TBC1D9B: variants seen among roughly 807,000 people sequenced by gnomAD.
TBC1D9B encodes the protein TBC1 domain family, member 9B (with GRAM domain).
In TBC1D9B, 87 loss-of-function variants were observed where a neutral mutation model predicts 121.1. That is an observed-to-expected ratio of 0.72 (90% CI 0.60 to 0.86). The LOEUF (loss-of-function observed/expected upper bound fraction) is 0.86, where lower values mean the gene tolerates loss of function less well. Among genes scored for constraint, TBC1D9B ranks in the 40% least tolerant of loss-of-function variants. The pLI, the probability that TBC1D9B is intolerant of heterozygous loss-of-function variation, is 0.00. For synonymous variants in TBC1D9B, 668 were observed against 670.1 expected (o/e 1.00, Z 0.05); for missense variants, 1,540 against 1,628.6 (o/e 0.95, Z 0.94).
At chr5:179,877,319 A>G (rs909486662) in intron 10 of TBC1D9B, among the ~76,000 whole-genome samples, 1 of 151,916 alleles carries the variant, frequency 6.6e-6, no homozygotes, top group South Asian at 2.1e-4. Context: ...TGGACAACAT[A>G]GCAAGACCCT....
intron 7 of TBC1D9B, among the ~76,000 whole-genome samples, chr5:179,882,634 A>C (rs1190642320): frequency 6.6e-6 from 1 of 152,198 alleles, no homozygotes; most frequent in Non-Finnish European, 1.5e-5. Flanking sequence ...ACCCTAGGTC[A>C]GGAGTTCGAG....
chr5:179,902,009 G>A lies in TBC1D9B; in HGVS notation c.229+2693C>T, dbSNP rs1761178709. Among the ~76,000 whole-genome samples, 1 of 152,220 alleles carries A rather than the reference G, an allele frequency of 6.6e-6. No individual in the cohort carries two copies. The highest frequency in any genetic ancestry group is 2.4e-5 in the African/African-American group (1 of 41,448). On this transcript the variant is annotated intron_variant, in intron 2 of 20. Coordinates refer to ENST00000355235, the MANE Select transcript of TBC1D9B (RefSeq NM_015043.4). This position sits in a 1 kb window ranked among gnomAD's most constrained non-coding sequence, Gnocchi z 4.9. ...TATTTTCATTTTACCAGATGAAGCT[G>A]AGGCACAGAGAGGTGAAATAAGTTA...
intron 2 of TBC1D9B, among the ~76,000 whole-genome samples, chr5:179,903,374 G>A (rs1034319247): frequency 4.6e-5 from 7 of 152,224 alleles, no homozygotes; most frequent in African/African-American, 1.7e-4. Flanking sequence ...CAACCCAGCA[G>A]GTACCCGCTG....
intron 18 of TBC1D9B, chr5:179,866,348 T>C (rs115056033): frequency 0.016 from 2,604 of 158,768 alleles, 76 homozygotes; most frequent in African/African-American, 0.058. Context: ...GCTCCTGTGC[T>C]TGGTGCAGCG....
chr5:179,887,060 C>T (rs534706901), intron 7 of TBC1D9B, among the ~76,000 whole-genome samples: 1 of 152,322 alleles, frequency 6.6e-6, no homozygotes, highest in East Asian at 1.9e-4. Context: ...AGAAAACCAA[C>T]TCATCATTAT....
At chr5:179,900,290 C>T (rs1438950951) in intron 2 of TBC1D9B, among the ~76,000 whole-genome samples, 8 of 152,178 alleles carry the variant, frequency 5.3e-5, no homozygotes, top group African/African-American at 4.8e-5. Flanking sequence ...ATTAAGGAAT[C>T]GGGGAAGAAG....
intron 2 of TBC1D9B, among the ~76,000 whole-genome samples, chr5:179,903,907 G>A (rs1375690683): frequency 6.6e-6 from 1 of 152,320 alleles, no homozygotes; most frequent in Middle Eastern, 3.4e-3. Flanking sequence ...GCGTCGTCCT[G>A]TTCTGCCTCA....
intron 3 of TBC1D9B, among the ~76,000 whole-genome samples, chr5:179,897,762 A>G (rs918647124): frequency 6.6e-6 from 1 of 152,238 alleles, no homozygotes; most frequent in Admixed American, 6.5e-5. Flanking sequence ...TCATCGCCCA[A>G]TTGCTCACCA....
At position 179,872,909 on chromosome 5, in the gene TBC1D9B, T is replaced by C; in HGVS notation, c.2398A>G (p.Thr800Ala). 5.1e-6 allele frequency: 8 copies of C among 1,567,212 alleles called. No individual in the cohort carries two copies. Among genetic ancestry groups the C allele is most frequent in the Non-Finnish European group, 6.9e-6 (8 of 1,158,940 alleles). ...RLKVIQSLED[T>A]AKRSVVRAIP... ...ACCCATACCACACTCCTCTTGGCCG[T>C]GTCCTCCAAGGACTGGATCACTTTC... is the stretch of plus-strand genomic sequence containing the variant. Residue 800 changes from threonine (T) to alanine (A), a missense_variant, in exon 14 of 21, where the codon ACG becomes GCG. By Grantham distance (58) the Thr-to-Ala change is moderately conservative. Coordinates refer to ENST00000355235, the MANE Select transcript of TBC1D9B (RefSeq NM_015043.4).
intron 8 of TBC1D9B, 94 bp from the exon 9 acceptor site, chr5:179,879,291 A>T: frequency 6.7e-7 from 1 of 1,484,100 alleles, no homozygotes; most frequent in Non-Finnish European, 9.0e-7. Context: ...CACTCCAGAC[A>T]GTGCTGGCCA....
chr5:179,863,092 C>T lies in TBC1D9B; in HGVS notation c.*356G>A, dbSNP rs1037345724. The T allele has an allele frequency of 7.1e-6, 2 of 282,428 alleles. No homozygotes were observed. The highest frequency in any genetic ancestry group is 1.4e-5 in the Non-Finnish European group (2 of 146,978). The allele number at this position is 282,428 out of a possible 1,614,324, so 17.5% of individuals were successfully genotyped here. On this transcript the variant is annotated 3_prime_UTR_variant, in exon 21 of 21. Coordinates refer to ENST00000355235, the MANE Select transcript of TBC1D9B (RefSeq NM_015043.4). The surrounding 1 kb of genome is among the most constrained non-coding windows in gnomAD (Gnocchi z 4.5). ...AGCATCCACGGATGGAGGGACTCAG[C>T]TGGCCTGGCCGCAGTGTGGAGCACA...
Position 179,867,795 on chromosome 5 carries a change from T to C in TBC1D9B, c.2846A>G (p.Glu949Gly). 6.5e-7 allele frequency: 1 copy of C among 1,550,344 alleles called. No homozygotes were observed. ...SALEAAHYFT[E>G]DSSSEEALPQ... ...CCGCTCACCTTCTGAGGAGCTGTCC[T>C]CTGTGAAATAATGGGCCGCCTCCAG... Residue 949 changes from glutamate to glycine, a missense_variant, in exon 18 of 21, where the codon GAG (glutamate) becomes GGG (glycine). Transcript: ENST00000355235.
chr5:179,869,644 ACCTCCAG>A, intron 17 of TBC1D9B, 118 bp downstream of exon 17: 1 of 1,022,994 alleles, frequency 9.8e-7, no homozygotes, highest in Non-Finnish European at 1.5e-6. Context: ...TCCAATGTGA[ACCTCCAG>A]CCTGCGACGC....
intron 18 of TBC1D9B, chr5:179,866,199 T>C (rs933429648): frequency 1.5e-5 from 5 of 327,222 alleles, no homozygotes; most frequent in Non-Finnish European, 2.9e-5. Context: ...ATGAGGGCTA[T>C]AGACCAGTCT....
At chr5:179,903,955 C>CT (rs1006132740) in intron 2 of TBC1D9B, among the ~76,000 whole-genome samples, 2 of 152,166 alleles carry the variant, frequency 1.3e-5, no homozygotes, top group Non-Finnish European at 2.9e-5. Flanking sequence ...AAATTTTTCA[C>CT]TGCTTTGAAC....
chr5:179,870,728 G>C (rs1760168165), intron 15 of TBC1D9B: 2 of 621,524 alleles, frequency 3.2e-6, no homozygotes, highest in Non-Finnish European at 2.7e-6. Context: ...CAGCCTGCAG[G>C]GGGCAGAGCT....
chr5:179,895,745 C>T (rs867647712), intron 3 of TBC1D9B, among the ~76,000 whole-genome samples: 16 of 152,236 alleles, frequency 1.1e-4, no homozygotes, highest in African/African-American at 3.6e-4. Flanking sequence ...CCCCCGATCC[C>T]TCTGTCCATG....
Position 179,875,983 on chromosome 5 carries a change from A to G in TBC1D9B, c.1837T>C (p.Phe613Leu). The change falls in exon 11 of 21, where the codon TTC (phenylalanine) becomes CTC (leucine). Residue 613 changes from phenylalanine to leucine, a missense_variant. By Grantham distance (22) the Phe-to-Leu change is conservative. Transcript: ENST00000355235. This position sits in a 1 kb window ranked among gnomAD's most constrained non-coding sequence, Gnocchi z 4.5. The stretch of plus-strand genomic sequence containing the variant: ...TCGCACAGGGCCACCAGGAGCCAGA[A>G]GGCCTCCTCCTCACTGCCATAGAGC... Reference protein sequence around the residue: ...LLLYGSEEEAFWLLVALCERM... With the variant: ...LLLYGSEEEALWLLVALCERM... 6.2e-7 allele frequency: 1 copy of G among 1,612,368 alleles called. No individual in the cohort carries two copies. The highest frequency in any genetic ancestry group is 1.7e-5 in the Admixed American group (1 of 59,878).
chr5:179,897,443 G>A (rs114336916), intron 3 of TBC1D9B, among the ~76,000 whole-genome samples: 1 of 151,556 alleles, frequency 6.6e-6, no homozygotes, highest in African/African-American at 2.4e-5. Context: ...CTTCCATTCC[G>A]AGTAGCTGGG....
Sources: allele counts gnomAD v4.1 joint callset (sites outside exome capture counted in the v4.1 genomes callset), GRCh38; gene constraint gnomAD v4.1.1; non-coding constraint Gnocchi (gnomAD v3.1); transcripts MANE v1.5; gene names NCBI Gene and HGNC (gene_info 2026-07-23, HGNC 2026-07-21).